Variants in ASIC2 observed in about 807,000 individuals in gnomAD.
The protein encoded by ASIC2 is acid-sensing ion channel 2.
Under a neutral mutation model 57.3 loss-of-function variants are expected in ASIC2, and 25 were observed. The observed-to-expected ratio is 0.44, with a 90% CI of 0.32 to 0.61. The LOEUF is 0.61. Ranked by LOEUF, ASIC2 falls within the 20% of genes least tolerant of loss-of-function variation. The probability of loss-of-function intolerance (pLI) is 0.06; values close to 1 mark genes in which losing one functional copy is unlikely to be tolerated. For missense variants in ASIC2, 641 were observed against 738.1 expected, an observed-to-expected ratio of 0.87 and a Z score of 1.52; for synonymous variants, 319 against 307.5, an observed-to-expected ratio of 1.04 and a Z score of -0.39.
chr17:33,526,545 C>T (rs1914889297), intron 1 of ASIC2, among the ~76,000 whole-genome samples: 1 of 152,208 alleles, frequency 6.6e-6, no homozygotes, highest in Non-Finnish European at 1.5e-5. Context: ...ACTTGTTTCT[C>T]TTATACGTTC....
At chr17:33,933,615 G>A (rs900183773) in intron 1 of ASIC2, among the ~76,000 whole-genome samples, 16 of 152,324 alleles carry the variant, frequency 1.1e-4, no homozygotes, top group Middle Eastern at 6.8e-3. Context: ...CATGCACTGG[G>A]AATGTGCCCT....
intron 1 of ASIC2, among the ~76,000 whole-genome samples, chr17:33,702,541 A>C (rs1908734967): frequency 6.6e-6 from 1 of 152,066 alleles, no homozygotes; most frequent in African/African-American, 2.4e-5. Context: ...ACACCATTAC[A>C]CTTTAACTTG....
At chr17:33,383,410 C>T (rs1909560655) in intron 1 of ASIC2, among the ~76,000 whole-genome samples, 1 of 152,184 alleles carries the variant, frequency 6.6e-6, no homozygotes, top group East Asian at 1.9e-4. Flanking sequence ...ATGTTCGGCT[C>T]CTACCTCCTG....
intron 1 of ASIC2, among the ~76,000 whole-genome samples, chr17:33,809,454 T>A (rs1912359080): frequency 6.6e-6 from 1 of 152,194 alleles, no homozygotes; most frequent in Non-Finnish European, 1.5e-5. Flanking sequence ...TGAGATTGGA[T>A]GATTGATTGT....
chr17:33,870,174 A>AGGAATGG (rs1198789419), intron 1 of ASIC2, among the ~76,000 whole-genome samples: 6 of 146,872 alleles, frequency 4.1e-5, no homozygotes, highest in African/African-American at 1.5e-4. Flanking sequence ...CAGCCGAGAG[A>AGGAATGG]GGAATGGACC....
chr17:34,054,329 T>A (rs1908681141), intron 1 of ASIC2, among the ~76,000 whole-genome samples: 1 of 152,228 alleles, frequency 6.6e-6, no homozygotes, highest in Non-Finnish European at 1.5e-5. Context: ...GAAGTACGTT[T>A]TTGAAGTACA....
At chr17:34,083,419 T>C (rs2142080876) in intron 1 of ASIC2, among the ~76,000 whole-genome samples, 1 of 151,884 alleles carries the variant, frequency 6.6e-6, no homozygotes, top group East Asian at 1.9e-4. Flanking sequence ...ATCCAGTCTA[T>C]CATTGTTGGA....
intron 1 of ASIC2, among the ~76,000 whole-genome samples, chr17:33,737,822 G>A (rs1261741194): frequency 1.3e-5 from 2 of 152,126 alleles, no homozygotes; most frequent in African/African-American, 4.8e-5. Context: ...GCCCCAATTA[G>A]ACTTAAAAGT....
chr17:33,474,223 C>T (rs370091223), intron 1 of ASIC2, among the ~76,000 whole-genome samples: 134 of 152,088 alleles, frequency 8.8e-4, no homozygotes, highest in East Asian at 9.7e-4. Flanking sequence ...AAAAATTAGC[C>T]GGGTGTGGTG....
At chr17:33,938,617 G>A (rs186785571) in intron 1 of ASIC2, among the ~76,000 whole-genome samples, 153 of 152,318 alleles carry the variant, frequency 1.0e-3, no homozygotes, top group Admixed American at 4.4e-3. Context: ...ACTTAGAGAT[G>A]GAGAGTTATT....
At chr17:33,977,315 T>C (rs1028857793) in intron 1 of ASIC2, among the ~76,000 whole-genome samples, 19 of 152,266 alleles carry the variant, frequency 1.2e-4, no homozygotes, top group Admixed American at 1.2e-3. Flanking sequence ...TAATGAAACC[T>C]CCCCATATCT....
chr17:33,631,421 A>G (rs1567674443), intron 1 of ASIC2, among the ~76,000 whole-genome samples: 1 of 151,886 alleles, frequency 6.6e-6, no homozygotes, highest in Non-Finnish European at 1.5e-5. Context: ...TGAAATGTAA[A>G]TGGAGGGACT....
intron 1 of ASIC2, among the ~76,000 whole-genome samples, chr17:33,300,923 T>C (rs1007939142): frequency 1.1e-4 from 16 of 152,352 alleles, no homozygotes; most frequent in African/African-American, 3.8e-4. Context: ...ATGAGGATGA[T>C]AATGATATTT....
chr17:33,699,370 C>G (rs928053141), intron 1 of ASIC2, among the ~76,000 whole-genome samples: 1 of 152,166 alleles, frequency 6.6e-6, no homozygotes, highest in African/African-American at 2.4e-5. Context: ...GTCTCCTTCC[C>G]CACTACTAAC....
intron 1 of ASIC2, among the ~76,000 whole-genome samples, chr17:33,609,120 G>T (rs1161478769): frequency 6.6e-6 from 1 of 152,156 alleles, no homozygotes; most frequent in East Asian, 1.9e-4. Flanking sequence ...GGACGCTGTT[G>T]TGACTTAACC....
intron 1 of ASIC2, among the ~76,000 whole-genome samples, chr17:33,342,554 C>G (rs1239872056): frequency 4.6e-5 from 7 of 152,152 alleles, no homozygotes; most frequent in Non-Finnish European, 7.3e-5. Context: ...TCCCAATAGC[C>G]TGACCATTCC....
At chr17:33,734,186 T>C (rs1006401945) in intron 1 of ASIC2, among the ~76,000 whole-genome samples, 1 of 151,804 alleles carries the variant, frequency 6.6e-6, no homozygotes, top group Non-Finnish European at 1.5e-5. Context: ...CTTCCTCCAG[T>C]GCTCCCGTGT....
At position 33,418,280 on chromosome 17, in the gene ASIC2, T is replaced by G. The variant is rs145781031; in HGVS notation, c.556-306213A>C. Among the ~76,000 whole-genome samples the G allele has an allele frequency of 2.0e-3, 303 of 152,300 alleles. 1 individual carries two copies. The highest frequency in any genetic ancestry group is 6.8e-3 in the African/African-American group (281 of 41,566). On this transcript the variant is annotated intron_variant, in intron 1 of 9. Transcript: ENST00000359872. The stretch of plus-strand genomic sequence containing the variant: ...ACCTGTGTAGCACCAAACCCCATCC[T>G]AATCTTCAGTTTCCCTGTGCCACTT...
intron 1 of ASIC2, among the ~76,000 whole-genome samples, chr17:33,586,922 G>A (rs551514253): frequency 6.6e-6 from 1 of 152,268 alleles, no homozygotes; most frequent in Non-Finnish European, 1.5e-5. Flanking sequence ...GATCTGTTTT[G>A]ATCTCAGCTA....
Sources: allele counts gnomAD v4.1 joint callset (sites outside exome capture counted in the v4.1 genomes callset), GRCh38; gene constraint gnomAD v4.1.1; transcripts MANE v1.5; gene names NCBI Gene and HGNC (gene_info 2026-07-23, HGNC 2026-07-21).